Variants in MGST1 observed in about 807,000 individuals in gnomAD.
The protein encoded by MGST1 is glutathione S-transferase 12.
In MGST1, 5 loss-of-function variants were observed where a neutral mutation model predicts 8.9. That is an observed-to-expected ratio of 0.56 (90% CI 0.29 to 1.19). The LOEUF is 1.19. Among genes scored for constraint, MGST1 ranks in the 50% most tolerant of loss-of-function variants. The pLI, the probability that MGST1 is intolerant of heterozygous loss-of-function variation, is 0.08. For synonymous variants in MGST1, 54 were observed against 67.8 expected (o/e 0.80, Z 1.00); for missense variants, 182 against 187.4 (o/e 0.97, Z 0.17).
chr12:16,421,559 G>T (rs1243406597), intron 1 of MGST1, among the ~76,000 whole-genome samples: 4 of 152,084 alleles, frequency 2.6e-5, no homozygotes, highest in African/African-American at 9.7e-5. Flanking sequence ...GAAGAATATT[G>T]CTCTATTCAT....
intron 4 of MGST1, among the ~76,000 whole-genome samples, chr12:16,505,399 C>G (rs1941531529): frequency 6.6e-6 from 1 of 152,202 alleles, no homozygotes; most frequent in East Asian, 1.9e-4. Context: ...TAGGCTCCTT[C>G]AGCTTGTCAG....
Position 16,576,841 on chromosome 12 carries a change from C to A in MGST1, n.483-12687C>A, listed in dbSNP as rs968921554. Among the ~76,000 whole-genome samples the A allele has an allele frequency of 4.6e-5, 7 of 152,126 alleles. No homozygotes were observed. The highest frequency in any genetic ancestry group is 1.7e-4 in the African/African-American group (7 of 41,436). ...AATTCAGTGTACAATGGACATAAGA[C>A]CTGTAGGTGGAAGTCAAAAATAAAT... On this transcript the variant is annotated intron_variant and non_coding_transcript_variant, in intron 4 of 4. Coordinates refer to the MGST1 transcript ENST00000538857. The surrounding 1 kb of genome is among the most constrained non-coding windows in gnomAD (Gnocchi z 4.1).
At chr12:16,372,901 T>C (rs1478997844) in intron 3 of MGST1, among the ~76,000 whole-genome samples, 1 of 147,784 alleles carries the variant, frequency 6.8e-6, no homozygotes, top group Non-Finnish European at 1.5e-5. Context: ...TAGTATATTA[T>C]ATATTACATA....
chr12:16,445,569 T>C (rs559707458), intron 4 of MGST1, among the ~76,000 whole-genome samples: 5 of 151,984 alleles, frequency 3.3e-5, no homozygotes, highest in Non-Finnish European at 7.4e-5. Context: ...AGTGTAAATG[T>C]ATGTTGTCCA....
At chr12:16,350,024 A>G (rs561166134) in intron 1 of MGST1, among the ~76,000 whole-genome samples, 207 of 152,238 alleles carry the variant, frequency 1.4e-3, no homozygotes, top group African/African-American at 4.7e-3. Flanking sequence ...GATTACAGGC[A>G]TGAGCCACCG....
intron 1 of MGST1, among the ~76,000 whole-genome samples, chr12:16,384,849 C>T (rs2137045854): frequency 6.6e-6 from 1 of 152,336 alleles, no homozygotes; most frequent in South Asian, 2.1e-4. Flanking sequence ...GGAGTTCTGA[C>T]ATGCTCCTTG....
intron 4 of MGST1, among the ~76,000 whole-genome samples, chr12:16,527,076 G>T (rs1208389094): frequency 2.0e-5 from 3 of 152,020 alleles, no homozygotes; most frequent in African/African-American, 7.2e-5. Flanking sequence ...GGGAGCAAAC[G>T]GTGGCCCTTC....
intron 4 of MGST1, among the ~76,000 whole-genome samples, chr12:16,541,566 A>T (rs955101251): frequency 1.3e-5 from 2 of 152,202 alleles, no homozygotes; most frequent in African/African-American, 2.4e-5. Flanking sequence ...AAATTGTAAC[A>T]TTCTAATGGA....
chr12:16,518,392 C>A (rs189297834), intron 4 of MGST1, among the ~76,000 whole-genome samples: 141 of 152,304 alleles, frequency 9.3e-4, no homozygotes, highest in Admixed American at 2.1e-3. Context: ...CTGTGACAAT[C>A]CTATCTAATA....
At chr12:16,529,957 C>G (rs1032467658) in intron 4 of MGST1, among the ~76,000 whole-genome samples, 5 of 152,106 alleles carry the variant, frequency 3.3e-5, no homozygotes, top group African/African-American at 1.2e-4. Context: ...AAGACTCCTT[C>G]CATCTGATTA....
At chr12:16,554,914 G>T (rs571818592) in intron 4 of MGST1, among the ~76,000 whole-genome samples, 1 of 152,032 alleles carries the variant, frequency 6.6e-6, no homozygotes, top group Admixed American at 6.5e-5. Context: ...CGCCCGCCTC[G>T]GCCTCCCAAA....
downstream of MGST1, among the ~76,000 whole-genome samples, chr12:16,368,948 C>G (rs1313098584): frequency 6.6e-6 from 1 of 152,012 alleles, no homozygotes; most frequent in Non-Finnish European, 1.5e-5. Context: ...CCAAATAATC[C>G]AAACTTTAAG....
intron 1 of MGST1, among the ~76,000 whole-genome samples, chr12:16,437,115 G>A (rs1363198870): frequency 6.6e-6 from 1 of 151,854 alleles, no homozygotes; most frequent in Non-Finnish European, 1.5e-5. Flanking sequence ...ACTTCCTGGA[G>A]GAAGAGGAAC....
At chr12:16,449,056 C>A (rs1016689284) in intron 4 of MGST1, among the ~76,000 whole-genome samples, 1 of 151,952 alleles carries the variant, frequency 6.6e-6, no homozygotes, top group African/African-American at 2.4e-5. Context: ...TTACGTTGAA[C>A]TCTATGTAAC....
At chr12:16,367,228 G>A (rs944229048), downstream of MGST1, 1 of 152,150 alleles carries the variant, frequency 6.6e-6, no homozygotes, top group African/African-American at 2.4e-5. Flanking sequence ...TATGTACACT[G>A]AAAGCCTCCG....
chr12:16,536,139 A>G (rs1172924479), intron 4 of MGST1, among the ~76,000 whole-genome samples: 1 of 149,214 alleles, frequency 6.7e-6, no homozygotes, highest in Admixed American at 6.7e-5. Flanking sequence ...GGAGTAGGGG[A>G]GTTTCTTGTC....
Position 16,410,533 on chromosome 12 carries a change from T to G in MGST1, n.779-26855T>G, listed in dbSNP as rs1273599080. On this transcript the variant is annotated intron_variant and non_coding_transcript_variant, in intron 1 of 1. Transcript: ENST00000359720. The surrounding 1 kb of genome is among the most constrained non-coding windows in gnomAD (Gnocchi z 4.4). ...TATATATTGCATATATGTGTATATA[T>G]TTGATTATATATGTTTATACACTAT... is the stretch of plus-strand genomic sequence containing the variant. Among the ~76,000 whole-genome samples the G allele has an allele frequency of 6.6e-6, 1 of 150,488 alleles. No homozygotes were observed. Among genetic ancestry groups the G allele is most frequent in the Non-Finnish European group, 1.5e-5 (1 of 67,712 alleles).
At position 16,500,265 on chromosome 12, in the gene MGST1, A is replaced by G. The variant is rs1204375382; in HGVS notation, n.483-89263A>G. Among the ~76,000 whole-genome samples the G allele has an allele frequency of 6.6e-6, 1 of 152,220 alleles. No homozygotes were observed. The highest frequency in any genetic ancestry group is 6.5e-5 in the Admixed American group (1 of 15,284). On this transcript the variant is annotated intron_variant and non_coding_transcript_variant, in intron 4 of 4. Transcript: ENST00000538857. The surrounding 1 kb of genome is among the most constrained non-coding windows in gnomAD (Gnocchi z 4.3). ...TATGCCATTAAAAAATGTGTCCAAA[A>G]TGAAGCAAAGTGTAACTACGATAGT...
downstream of MGST1, among the ~76,000 whole-genome samples, chr12:16,592,845 A>T (rs982905175): frequency 1.3e-5 from 2 of 151,940 alleles, no homozygotes; most frequent in African/African-American, 4.8e-5. Context: ...AAAATCTTTT[A>T]AAAACAAAAA....
Sources: allele counts gnomAD v4.1 joint callset (sites outside exome capture counted in the v4.1 genomes callset), GRCh38; gene constraint gnomAD v4.1.1; non-coding constraint Gnocchi (gnomAD v3.1); transcripts MANE v1.5; gene names NCBI Gene and HGNC (gene_info 2026-07-23, HGNC 2026-07-21).